The following ELL2 variants were observed in gnomAD, a reference collection of about 807,000 sequenced individuals.
The protein encoded by ELL2 is RNA polymerase II elongation factor ELL2.
Under a neutral mutation model 72.8 loss-of-function variants are expected in ELL2, and 21 were observed. The ratio of observed to expected loss-of-function variants is 0.29; its 90% CI spans 0.20 to 0.42. The LOEUF (loss-of-function observed/expected upper bound fraction) is 0.42. ELL2 is among the 10% of genes least tolerant of loss of function. ELL2 has a pLI of 1.00. For missense variants in ELL2, 568 were observed against 772.8 expected (o/e 0.73, Z 3.14); for synonymous variants, 266 against 283.2 (o/e 0.94, Z 0.61).
intron 10 of ELL2, 61 bp downstream of exon 10, chr5:95,891,042 G>C: frequency 6.2e-7 from 1 of 1,605,562 alleles, no homozygotes; most frequent in Non-Finnish European, 8.5e-7. Context: ...GGTTGAGCAG[G>C]GCAGGGAAAG....
intron 3 of ELL2, among the ~76,000 whole-genome samples, chr5:95,918,623 C>T (rs1749922365): frequency 6.6e-6 from 1 of 152,152 alleles, no homozygotes; most frequent in African/African-American, 2.4e-5. Flanking sequence ...AGATAAGTCA[C>T]AGAGATACGC....
At chr5:95,906,259 TAC>T (rs1265028135) in intron 5 of ELL2, among the ~76,000 whole-genome samples, 1 of 152,190 alleles carries the variant, frequency 6.6e-6, no homozygotes, top group African/African-American at 2.4e-5. Flanking sequence ...AAACACTTCT[TAC>T]TTTCTTTTTA....
intron 4 of ELL2, among the ~76,000 whole-genome samples, chr5:95,909,207 A>G (rs1173476048): frequency 6.6e-6 from 1 of 152,224 alleles, no homozygotes; most frequent in African/African-American, 2.4e-5. Context: ...TCAAGTGAAG[A>G]CAGAACTAGA....
chr5:95,960,102 A>T (rs1038348167), intron 1 of ELL2, among the ~76,000 whole-genome samples: 1 of 151,450 alleles, frequency 6.6e-6, no homozygotes, highest in Non-Finnish European at 1.5e-5. Flanking sequence ...GGAGCTCAAC[A>T]GATGTCAATT....
intron 8 of ELL2, among the ~76,000 whole-genome samples, chr5:95,896,297 A>G (rs557968867): frequency 6.6e-6 from 1 of 151,858 alleles, no homozygotes; most frequent in East Asian, 1.9e-4. Context: ...TTTTTTAAGG[A>G]CAAAAGAAGT....
rs148793233 is a variant in ELL2 at position 95,940,060 on chromosome 5, A to T, written c.195+2942T>A. Reference sequence around the variant, plus strand: ...TTGGATGATTTATTCACCTCCTGATATTCATGAGTTTAGAAATGAGAATCA... The same window carrying T: ...TTGGATGATTTATTCACCTCCTGATTTTCATGAGTTTAGAAATGAGAATCA... On this transcript the variant is annotated intron_variant, in intron 2 of 11. Transcript: ENST00000237853. Among the ~76,000 whole-genome samples the T allele has an allele frequency of 2.0e-4, 31 of 152,322 alleles. No individual in the cohort carries two copies. In the East Asian group the frequency reaches 4.2e-3, roughly 21 times the overall value.
At chr5:95,893,775 G>A (rs538993857) in intron 9 of ELL2, among the ~76,000 whole-genome samples, 4 of 152,192 alleles carry the variant, frequency 2.6e-5, no homozygotes, top group South Asian at 2.1e-4. Context: ...GAAAATCCAC[G>A]CTTTTTCACT....
At chr5:95,903,074 C>T (rs552984186) in intron 5 of ELL2, among the ~76,000 whole-genome samples, 30 of 152,182 alleles carry the variant, frequency 2.0e-4, no homozygotes, top group East Asian at 3.9e-4. Context: ...GTGTGAGCCA[C>T]TACGCCCCAC....
At position 95,890,081 on chromosome 5, in the gene ELL2, C is replaced by T. The variant is rs573928564; in HGVS notation, c.1762-951G>A. Reference sequence around the variant, plus strand: ...CCCAAGGCCACACAAATATTAACCACTCCTAACCAAGTAATCCTTGGAATT... The same window carrying T: ...CCCAAGGCCACACAAATATTAACCATTCCTAACCAAGTAATCCTTGGAATT... On this transcript the variant is annotated intron_variant, in intron 10 of 11. Transcript: ENST00000237853. Among the ~76,000 whole-genome samples the T allele has an allele frequency of 2.6e-5, 4 of 152,258 alleles. No individual in the cohort carries two copies. In the East Asian group the frequency reaches 7.7e-4, roughly 29 times the overall value.
At chr5:95,955,824 A>G (rs1222495378) in intron 1 of ELL2, among the ~76,000 whole-genome samples, 1 of 151,818 alleles carries the variant, frequency 6.6e-6, no homozygotes, top group Non-Finnish European at 1.5e-5. Context: ...TTCTCAAACA[A>G]TCTAAAATAC....
chr5:95,895,207 A>G (rs1748820959), intron 9 of ELL2, among the ~76,000 whole-genome samples: 1 of 152,272 alleles, frequency 6.6e-6, no homozygotes, highest in African/African-American at 2.4e-5. Flanking sequence ...ATAAAAATCA[A>G]TCTATCTTTA....
At chr5:95,933,784 A>G (rs1750680018) in intron 2 of ELL2, among the ~76,000 whole-genome samples, 1 of 151,092 alleles carries the variant, frequency 6.6e-6, no homozygotes, top group Non-Finnish European at 1.5e-5. Flanking sequence ...TATTCTTGAA[A>G]GAGGTTAGAG....
At chr5:95,912,961 T>C (rs951474872) in intron 4 of ELL2, among the ~76,000 whole-genome samples, 1 of 152,236 alleles carries the variant, frequency 6.6e-6, no homozygotes, top group African/African-American at 2.4e-5. Flanking sequence ...TCATTTACTA[T>C]AGAGTGACTT....
chr5:95,961,300 C>A (rs1384742605), intron 1 of ELL2, among the ~76,000 whole-genome samples: 1 of 152,004 alleles, frequency 6.6e-6, no homozygotes, highest in Non-Finnish European at 1.5e-5. Flanking sequence ...CGGGGGCCGT[C>A]GGAAAGTCCC....
At chr5:95,902,630 C>T (rs575343207) in intron 5 of ELL2, among the ~76,000 whole-genome samples, 1 of 152,238 alleles carries the variant, frequency 6.6e-6, no homozygotes, top group East Asian at 1.9e-4. Flanking sequence ...GAACACTATT[C>T]TAACAGTAAT....
chr5:95,953,856 C>A (rs920482037), intron 1 of ELL2, among the ~76,000 whole-genome samples: 3 of 152,122 alleles, frequency 2.0e-5, no homozygotes, highest in Non-Finnish European at 4.4e-5. Context: ...GAGTTACTTA[C>A]GTTTCATTAA....
At chr5:95,912,640 C>T (rs1333513912) in intron 4 of ELL2, among the ~76,000 whole-genome samples, 2 of 152,176 alleles carry the variant, frequency 1.3e-5, no homozygotes, top group East Asian at 3.9e-4. Flanking sequence ...AGTCTCATTG[C>T]TAGTAACTTA....
intron 1 of ELL2, among the ~76,000 whole-genome samples, chr5:95,961,214 G>A (rs1431692290): frequency 2.6e-5 from 4 of 152,046 alleles, no homozygotes; most frequent in African/African-American, 9.7e-5. Context: ...CTTCCCCGCC[G>A]AGGGTAGCGT....
intron 7 of ELL2, chr5:95,900,371 G>T (rs1749089808): frequency 1.0e-5 from 2 of 190,850 alleles, no homozygotes; most frequent in African/African-American, 4.7e-5. Context: ...CATATAATCT[G>T]ATAATTGTTT....
Sources: allele counts gnomAD v4.1 joint callset (sites outside exome capture counted in the v4.1 genomes callset), GRCh38; gene constraint gnomAD v4.1.1; transcripts MANE v1.5; gene names NCBI Gene and HGNC (gene_info 2026-07-23, HGNC 2026-07-21).